Variants in PBRM1 observed in about 807,000 individuals in gnomAD.
PBRM1 encodes the protein protein polybromo-1.
In PBRM1, 27 loss-of-function variants were observed where a neutral mutation model predicts 194.5. The ratio of observed to expected loss-of-function variants is 0.14; its 90% CI spans 0.10 to 0.19. PBRM1 has a LOEUF of 0.19. PBRM1 is among the 10% of genes least tolerant of loss of function. The pLI is 1.00. For synonymous variants in PBRM1, 655 were observed against 693.2 expected, an observed-to-expected ratio of 0.94 and a Z score of 0.87; for missense variants, 1,466 against 2,077.2, an observed-to-expected ratio of 0.71 and a Z score of 5.72.
chr3:52,609,633 A>G lies in PBRM1; in HGVS notation c.2247T>C (p.Ala749=). The change falls in exon 16 of 30, where the codon GCT becomes GCC. Residue 749 remains alanine (A), a synonymous_variant. Transcript: ENST00000296302. The surrounding 1 kb of genome is among the most constrained non-coding windows in gnomAD (Gnocchi z 4.1). ...CAAGCAGGACTTTGTGTAGAACAAG[A>G]GCATCTTTGTAGATCAAAGACTCCG... The G allele has an allele frequency of 6.2e-7, 1 of 1,613,192 alleles. No homozygotes were observed. Among genetic ancestry groups the G allele is most frequent in the Non-Finnish European group, 8.5e-7 (1 of 1,179,292 alleles).
intron 17 of PBRM1, among the ~76,000 whole-genome samples, chr3:52,594,405 TTC>T (rs750899744): frequency 3.3e-5 from 5 of 152,220 alleles, no homozygotes; most frequent in Non-Finnish European, 5.9e-5. Flanking sequence ...CCTTGCTTTT[TTC>T]TGTTTTCCAT....
intron 7 of PBRM1, among the ~76,000 whole-genome samples, chr3:52,646,504 T>TA (rs1323593489): frequency 6.6e-6 from 1 of 152,124 alleles, no homozygotes; most frequent in African/African-American, 2.4e-5. Context: ...AATATTTAAC[T>TA]AAAAAATGGA....
intron 1 of PBRM1, chr3:52,685,323 T>C (rs2097294479): frequency 6.6e-6 from 1 of 151,868 alleles, no homozygotes; most frequent in Admixed American, 6.6e-5. Flanking sequence ...TTGATTAAAA[T>C]ACCCGGAAAA....
intron 22 of PBRM1, among the ~76,000 whole-genome samples, chr3:52,575,872 G>A (rs1261030907): frequency 6.6e-6 from 1 of 151,878 alleles, no homozygotes; most frequent in Non-Finnish European, 1.5e-5. Context: ...AAATGTCATT[G>A]CAAATAGTGA....
chr3:52,637,546 T>C (rs1026787996), intron 10 of PBRM1, among the ~76,000 whole-genome samples: 4 of 151,810 alleles, frequency 2.6e-5, no homozygotes, highest in Admixed American at 6.6e-5. Flanking sequence ...TGTGGAAAGA[T>C]TGCTTGAGCC....
At chr3:52,576,879 GA>G (rs1289134219) in intron 21 of PBRM1, among the ~76,000 whole-genome samples, 181 bp from the exon 24 acceptor site, 1 of 151,972 alleles carries the variant, frequency 6.6e-6, no homozygotes, top group Non-Finnish European at 1.5e-5. Flanking sequence ...AAGATACTTA[GA>G]AAAAGAGAAA....
intron 17 of PBRM1, among the ~76,000 whole-genome samples, chr3:52,602,272 G>A (rs755722753): frequency 6.6e-5 from 10 of 151,922 alleles, no homozygotes; most frequent in Non-Finnish European, 1.3e-4. Flanking sequence ...TCCCACTATA[G>A]GTCTGCAAGG....
intron 10 of PBRM1, among the ~76,000 whole-genome samples, chr3:52,638,659 TCATAGCTTACGG>T (rs1427005927): frequency 6.6e-6 from 1 of 152,046 alleles, no homozygotes; most frequent in African/African-American, 2.4e-5. Context: ...AGTGGAATAA[TCATAGCTTACGG>T]CAAACTTGAA....
chr3:52,558,215 A>G, intron 26 of PBRM1, 34 bp downstream of exon 28: 1 of 1,447,756 alleles, frequency 6.9e-7, no homozygotes, highest in Non-Finnish European at 9.2e-7. Context: ...AATTTCTTAA[A>G]GTGGAAAAAA....
At chr3:52,589,220 C>T (rs1232278552) in exon 18 of PBRM1, 2 of 1,560,712 alleles carry the variant, frequency 1.3e-6, no homozygotes, top group African/African-American at 1.4e-5. Context: ...CCTGAGAGGC[C>T]TGCAGCACCA....
chr3:52,653,015 T>A (rs1270563809), intron 5 of PBRM1, among the ~76,000 whole-genome samples: 1 of 152,010 alleles, frequency 6.6e-6, no homozygotes, highest in Non-Finnish European at 1.5e-5. Flanking sequence ...AAACAAAAAT[T>A]CTAAATTCAC....
At chr3:52,553,621 C>G (rs1405234308) in intron 27 of PBRM1, among the ~76,000 whole-genome samples, 3 of 149,802 alleles carry the variant, frequency 2.0e-5, no homozygotes, top group Non-Finnish European at 3.0e-5. Context: ...TCCTGAGTAG[C>G]TGGGACTACA....
intron 2 of PBRM1, among the ~76,000 whole-genome samples, 189 bp downstream of exon 3, chr3:52,678,311 T>C (rs556956694): frequency 1.3e-5 from 2 of 152,188 alleles, no homozygotes; most frequent in Admixed American, 1.3e-4. Flanking sequence ...TTACTGTGCC[T>C]GGCTCAACAG....
At chr3:52,566,060 AAAAC>A (rs2085117906) in intron 22 of PBRM1, among the ~76,000 whole-genome samples, 1 of 152,112 alleles carries the variant, frequency 6.6e-6, no homozygotes, top group Non-Finnish European at 1.5e-5. Flanking sequence ...AAAACAAAAC[AAAAC>A]AAAACAAAAA....
At chr3:52,677,408 CTTT>C (rs71087007) in intron 2 of PBRM1, among the ~76,000 whole-genome samples, 2 of 110,812 alleles carry the variant, frequency 1.8e-5, no homozygotes, top group East Asian at 2.3e-4. Context: ...CCATGCTCGG[CTTT>C]TTTTTTTTTT....
intron 21 of PBRM1, among the ~76,000 whole-genome samples, chr3:52,577,168 C>T (rs1003221637): frequency 2.0e-5 from 3 of 152,114 alleles, no homozygotes; most frequent in Non-Finnish European, 4.4e-5. Flanking sequence ...CAGGGGCTCA[C>T]GCCTGTAATC....
At chr3:52,636,688 C>T (rs370079069) in intron 10 of PBRM1, among the ~76,000 whole-genome samples, 3 of 125,840 alleles carry the variant, frequency 2.4e-5, no homozygotes, top group South Asian at 2.7e-4. Context: ...AACCAGAAGG[C>T]GGAGATTGTA....
chr3:52,645,130 A>G (rs1214761613), intron 7 of PBRM1, among the ~76,000 whole-genome samples: 2 of 152,198 alleles, frequency 1.3e-5, no homozygotes, highest in Non-Finnish European at 2.9e-5. Context: ...AACCTTGAAC[A>G]TTGCCAAACC....
chr3:52,641,189 G>T (rs2096064268), intron 10 of PBRM1, among the ~76,000 whole-genome samples: 1 of 151,744 alleles, frequency 6.6e-6, no homozygotes, highest in Non-Finnish European at 1.5e-5. Context: ...GCCAGGCGTG[G>T]TGTAATCCCA....
Sources: gnomAD v4.1 joint callset for allele counts (sites outside exome capture counted in the v4.1 genomes callset) on GRCh38, gnomAD v4.1.1 for gene constraint, Gnocchi (gnomAD v3.1) non-coding constraint, MANE v1.5 for transcripts, NCBI Gene and HGNC (gene_info 2026-07-23, HGNC 2026-07-21) for gene names.